Variants in ECM2 observed in about 807,000 individuals in gnomAD.
The protein encoded by ECM2 is extracellular matrix protein 2, female organ and adipocyte specific.
Under a neutral mutation model 67.5 loss-of-function variants are expected in ECM2, and 57 were observed. The ratio of observed to expected loss-of-function variants is 0.84; its 90% CI spans 0.68 to 1.05. The LOEUF (loss-of-function observed/expected upper bound fraction) is 1.05. Among genes scored for constraint, ECM2 ranks in the 50% least tolerant of loss-of-function variants. ECM2 has a pLI of 0.00. For missense variants in ECM2, 741 were observed against 822.8 expected (o/e 0.90, Z 1.22); for synonymous variants, 258 against 294.5 (o/e 0.88, Z 1.27).
At chr9:92,494,006 G>T, downstream of ECM2, 2 of 1,463,732 alleles carry the variant, frequency 1.4e-6, no homozygotes, top group Non-Finnish European at 1.9e-6. Flanking sequence ...CAGTGTGCTC[G>T]TCGCATTGTC....
upstream of ECM2, among the ~76,000 whole-genome samples, chr9:92,538,554 C>T (rs1262851226): frequency 6.6e-6 from 1 of 152,094 alleles, no homozygotes; most frequent in African/African-American, 2.4e-5. Flanking sequence ...CCAGTAATTA[C>T]CACGATGAGA....
upstream of ECM2, among the ~76,000 whole-genome samples, chr9:92,537,335 C>T (rs1849206538): frequency 6.6e-6 from 1 of 152,008 alleles, no homozygotes; most frequent in African/African-American, 2.4e-5. Flanking sequence ...ACTCAACTTC[C>T]TAAAAATAAG....
In ECM2 at chr9:92,510,014, A is replaced by G. The variant is rs780921836; in HGVS notation, c.1191T>C (p.Arg397=). The change falls in exon 6 of 10, where the codon CGT becomes CGC. Residue 397 remains arginine (R), a synonymous_variant. Transcript: ENST00000344604. The part of the protein sequence containing the change: ...KAFKLLKKLM[R]LNMDGNNLIQ... Reference sequence around the variant, plus strand: ...TCAAATTATTTCCATCCATATTCAAACGCATTAACTTCTTCAGAAGCTTAA... The same window carrying G: ...TCAAATTATTTCCATCCATATTCAAGCGCATTAACTTCTTCAGAAGCTTAA... 53 of 1,603,660 alleles carry G rather than the reference A, an allele frequency of 3.3e-5. No individual in the cohort carries two copies. The highest frequency in any genetic ancestry group is 3.3e-4 in the Middle Eastern group (2 of 6,010).
intron 9 of ECM2, 62 bp from the exon 10 acceptor site, chr9:92,496,545 A>T: frequency 1.3e-6 from 2 of 1,556,510 alleles, no homozygotes; most frequent in Non-Finnish European, 1.7e-6. Context: ...TTTAGGAGTT[A>T]AGTTTAACAT....
chr9:92,533,294 G>A (rs1261102726), intron 1 of ECM2, among the ~76,000 whole-genome samples: 3 of 81,360 alleles, frequency 3.7e-5, no homozygotes, highest in South Asian at 5.2e-4. Context: ...AGTGAGACTC[G>A]GTCTCAAACA....
chr9:92,514,498 C>T (rs911056388), intron 4 of ECM2, 133 bp downstream of exon 4: 3 of 1,246,014 alleles, frequency 2.4e-6, no homozygotes, highest in East Asian at 2.5e-5. Context: ...TGGTCTCAAA[C>T]CCCTGACCTC....
the ECM2 span, among the ~76,000 whole-genome samples, chr9:92,546,308 G>A: frequency 1.6e-4 from 25 of 152,302 alleles, no homozygotes; most frequent in East Asian, 3.7e-3. Flanking sequence ...GGCTGCCCAA[G>A]CTAGCCCTGA....
intron 2 of ECM2, among the ~76,000 whole-genome samples, chr9:92,518,945 A>G (rs1847896495): frequency 6.6e-6 from 1 of 152,204 alleles, no homozygotes; most frequent in African/African-American, 2.4e-5. Flanking sequence ...ATTTCCCTAC[A>G]TACAAGATTG....
the ECM2 span, among the ~76,000 whole-genome samples, chr9:92,543,962 T>A: frequency 6.6e-6 from 1 of 152,228 alleles, no homozygotes; most frequent in Non-Finnish European, 1.5e-5. Flanking sequence ...TTTCTCTATA[T>A]AAGATGTCAT....
chr9:92,517,721 A>C lies in ECM2; in HGVS notation c.447T>G (p.Pro149=), dbSNP rs1370083515. The part of the protein sequence containing the change: ...HPQRCPQTVI[P]EGECCPVCSA... Reference sequence around the variant, plus strand: ...AGCAGACCGGGCAGCATTCCCCTTCAGGTATAACTGTTTGGGGGCACCTCT... The same window carrying C: ...AGCAGACCGGGCAGCATTCCCCTTCCGGTATAACTGTTTGGGGGCACCTCT... The change falls in exon 3 of 10, where the codon CCT becomes CCG. Residue 149 remains proline (P), a synonymous_variant. Coordinates refer to ENST00000344604, the MANE Select transcript of ECM2 (RefSeq NM_001393.4). 1 of 1,614,070 alleles carries C rather than the reference A, an allele frequency of 6.2e-7. No individual in the cohort carries two copies. The highest frequency in any genetic ancestry group is 2.2e-5 in the East Asian group (1 of 44,892).
intron 7 of ECM2, among the ~76,000 whole-genome samples, chr9:92,504,099 A>T (rs1191434401): frequency 6.6e-6 from 1 of 152,192 alleles, no homozygotes; most frequent in Non-Finnish European, 1.5e-5. Context: ...CTCATTGTGT[A>T]TGTATGTGTT....
At chr9:92,511,189 G>C (rs563308058) in intron 5 of ECM2, among the ~76,000 whole-genome samples, 1 of 152,090 alleles carries the variant, frequency 6.6e-6, no homozygotes, top group Non-Finnish European at 1.5e-5. Flanking sequence ...GCAATGGCGC[G>C]ATCTCGGCTC....
intron 1 of ECM2, among the ~76,000 whole-genome samples, chr9:92,530,025 T>C (rs1197475200): frequency 6.6e-6 from 1 of 152,172 alleles, no homozygotes; most frequent in Non-Finnish European, 1.5e-5. Context: ...ACATAGCCTA[T>C]ACAGTGTATT....
intron 6 of ECM2, among the ~76,000 whole-genome samples, chr9:92,507,740 G>A (rs999174672): frequency 2.0e-5 from 3 of 152,150 alleles, no homozygotes; most frequent in African/African-American, 4.8e-5. Flanking sequence ...CTTTTAAAGC[G>A]TGCCTGGTTT....
intron 6 of ECM2, 111 bp downstream of exon 6, chr9:92,509,788 C>A: frequency 8.3e-7 from 1 of 1,199,036 alleles, no homozygotes; most frequent in Non-Finnish European, 1.1e-6. Flanking sequence ...GTTAAGTGAC[C>A]TAAAAATATT....
chr9:92,544,256 A>T, the ECM2 span, among the ~76,000 whole-genome samples: 4 of 152,302 alleles, frequency 2.6e-5, no homozygotes, highest in South Asian at 8.3e-4. Context: ...CACGTGGATC[A>T]CTTGAGGTCA....
At chr9:92,513,736 A>G (rs917268733) in intron 4 of ECM2, among the ~76,000 whole-genome samples, 9 of 152,370 alleles carry the variant, frequency 5.9e-5, no homozygotes, top group Non-Finnish European at 1.2e-4. Context: ...AAAACTGTAG[A>G]GACAGAAAAC....
Sources: allele counts gnomAD v4.1 joint callset (sites outside exome capture counted in the v4.1 genomes callset), GRCh38; gene constraint gnomAD v4.1.1; transcripts MANE v1.5; gene names NCBI Gene and HGNC (gene_info 2026-07-23, HGNC 2026-07-21).